The following NTNG1 variants were observed in gnomAD, a reference collection of about 807,000 sequenced individuals.
NTNG1 encodes netrin-G1.
Under a neutral mutation model 54.0 loss-of-function variants are expected in NTNG1, and 16 were observed. That is an observed-to-expected ratio of 0.30 (90% CI 0.20 to 0.45). The LOEUF (loss-of-function observed/expected upper bound fraction) is 0.45. NTNG1 is among the 20% of genes least tolerant of loss of function. NTNG1 has a pLI of 1.00. For synonymous variants in NTNG1, 255 were observed against 263.1 expected (o/e 0.97, Z 0.30); for missense variants, 530 against 678.7 (o/e 0.78, Z 2.43).
chr1:107,392,062 A>G (rs1672398049), intron 3 of NTNG1, among the ~76,000 whole-genome samples: 2 of 152,180 alleles, frequency 1.3e-5, no homozygotes, highest in Admixed American at 6.5e-5. Context: ...TGAGGCAGGA[A>G]GCCAAAGAGT....
At chr1:107,220,215 A>G (rs374573239) in intron 2 of NTNG1, among the ~76,000 whole-genome samples, 4 of 152,274 alleles carry the variant, frequency 2.6e-5, no homozygotes, top group African/African-American at 9.6e-5. Context: ...CCCTCCGCCA[A>G]CAGCACTGAG....
chr1:107,220,701 A>G (rs1660282710), intron 2 of NTNG1, among the ~76,000 whole-genome samples: 1 of 152,216 alleles, frequency 6.6e-6, no homozygotes, highest in Non-Finnish European at 1.5e-5. Context: ...ACTGATTTAA[A>G]GGAATTAGAA....
At chr1:107,228,216 G>A (rs1197401148) in intron 2 of NTNG1, among the ~76,000 whole-genome samples, 1 of 152,058 alleles carries the variant, frequency 6.6e-6, no homozygotes, top group African/African-American at 2.4e-5. Context: ...TATCCCTTAT[G>A]CCAGTAATAT....
chr1:107,269,664 G>C (rs897766318), intron 2 of NTNG1, among the ~76,000 whole-genome samples: 2 of 152,136 alleles, frequency 1.3e-5, no homozygotes, highest in Non-Finnish European at 2.9e-5. Flanking sequence ...ATTGATTATG[G>C]GAGACTAGGA....
chr1:107,469,328 G>A (rs893998553), intron 7 of NTNG1, among the ~76,000 whole-genome samples: 4 of 152,102 alleles, frequency 2.6e-5, no homozygotes, highest in Non-Finnish European at 5.9e-5. Flanking sequence ...AGTCAAAGCT[G>A]CTCAGCAAGT....
At chr1:107,339,522 C>T (rs1054321689) in intron 3 of NTNG1, among the ~76,000 whole-genome samples, 11 of 152,090 alleles carry the variant, frequency 7.2e-5, no homozygotes, top group African/African-American at 2.6e-4. Context: ...TAGCTGTAAC[C>T]ATTTGATTAA....
At chr1:107,324,960 G>A (rs2101880448) in intron 3 of NTNG1, 38 bp downstream of exon 3, 1 of 1,560,134 alleles carries the variant, frequency 6.4e-7, no homozygotes, top group South Asian at 1.2e-5. Flanking sequence ...GGGAACGGGT[G>A]TGTCCAAAGA....
At chr1:107,362,831 G>A (rs1416873210) in intron 3 of NTNG1, among the ~76,000 whole-genome samples, 2 of 152,098 alleles carry the variant, frequency 1.3e-5, no homozygotes, top group African/African-American at 4.8e-5. Context: ...AGACCTTTCA[G>A]ATTTTTTTAA....
chr1:107,230,316 T>C (rs149589476), intron 2 of NTNG1, among the ~76,000 whole-genome samples: 40 of 152,304 alleles, frequency 2.6e-4, no homozygotes, highest in African/African-American at 8.4e-4. Context: ...AGACAGCCCT[T>C]ATGCCCTTTC....
intron 7 of NTNG1, among the ~76,000 whole-genome samples, chr1:107,451,602 T>C (rs1012195761): frequency 3.9e-5 from 6 of 152,160 alleles, no homozygotes; most frequent in African/African-American, 1.4e-4. Flanking sequence ...TATTATTTTA[T>C]GTTTTGACAT....
intron 6 of NTNG1, among the ~76,000 whole-genome samples, chr1:107,435,495 C>T (rs2101368760): frequency 6.6e-6 from 1 of 152,164 alleles, no homozygotes; most frequent in South Asian, 2.1e-4. Context: ...TAAAATAAAT[C>T]ATAATTCTAA....
At chr1:107,479,044 G>A (rs1678522987) in intron 7 of NTNG1, among the ~76,000 whole-genome samples, 1 of 152,182 alleles carries the variant, frequency 6.6e-6, no homozygotes, top group Non-Finnish European at 1.5e-5. Context: ...ATCAATATTT[G>A]GAGCCTGAAG....
At position 107,297,240 on chromosome 1, in the gene NTNG1, TATATATGC is replaced by T. The variant is rs1167454713; in HGVS notation, c.247-27041_247-27034del. On this transcript the variant is annotated intron_variant, in intron 2 of 7. Transcript: ENST00000370068. ...TCATATATATATATATATATATATA[TATATATGC>T]GCACACACACACACACACAGCAGTT... Among the ~76,000 whole-genome samples, 218 of 24,594 alleles carry T rather than the reference TATATATGC, an allele frequency of 8.9e-3. 9 individuals carry two copies. The highest frequency in any genetic ancestry group is 0.023 in the African/African-American group (191 of 8,382). 16.1% of individuals were successfully genotyped at this position (24,594 alleles called of 152,430 possible).
chr1:107,348,809 T>TTTA (rs1450672535), intron 3 of NTNG1, among the ~76,000 whole-genome samples: 2 of 152,234 alleles, frequency 1.3e-5, no homozygotes, highest in Admixed American at 1.3e-4. Flanking sequence ...TTGGCTTCTT[T>TTTA]TATTACCATA....
chr1:107,173,696 T>C (rs977914512), intron 2 of NTNG1, among the ~76,000 whole-genome samples: 1 of 151,896 alleles, frequency 6.6e-6, no homozygotes, highest in Non-Finnish European at 1.5e-5. Context: ...GTAGCTCTTT[T>C]TTTTTTCTTT....
intron 2 of NTNG1, among the ~76,000 whole-genome samples, chr1:107,244,267 A>G (rs1570942920): frequency 1.3e-5 from 2 of 152,242 alleles, no homozygotes; most frequent in East Asian, 3.8e-4. Context: ...TAAAATAGAT[A>G]CAACTTAAAA....
chr1:107,290,237 A>C (rs1557872881), intron 2 of NTNG1, among the ~76,000 whole-genome samples: 1 of 152,186 alleles, frequency 6.6e-6, no homozygotes, highest in African/African-American at 2.4e-5. Context: ...CTGAAATATC[A>C]AATAGAATTA....
intron 5 of NTNG1, chr1:107,410,039 T>C (rs1673695916): frequency 6.6e-6 from 1 of 152,098 alleles, no homozygotes; most frequent in Non-Finnish European, 1.5e-5. Flanking sequence ...AAAAGGAAGC[T>C]GTTTGGATAT....
At chr1:107,317,876 G>A (rs1171352629) in intron 2 of NTNG1, among the ~76,000 whole-genome samples, 2 of 152,096 alleles carry the variant, frequency 1.3e-5, no homozygotes, top group East Asian at 1.9e-4. Flanking sequence ...ATTAGAAAAC[G>A]GAGCAGTTAG....
Sources: gnomAD v4.1 joint callset for allele counts (sites outside exome capture counted in the v4.1 genomes callset) on GRCh38, gnomAD v4.1.1 for gene constraint, MANE v1.5 for transcripts, NCBI Gene and HGNC (gene_info 2026-07-23, HGNC 2026-07-21) for gene names.